PIK3C2A: variants seen among roughly 807,000 people sequenced by gnomAD.
PIK3C2A encodes the protein phosphatidylinositol-4-phosphate 3-kinase catalytic subunit type 2 alpha.
In PIK3C2A, 97 loss-of-function variants were observed where a neutral mutation model predicts 204.5. The ratio of observed to expected loss-of-function variants is 0.47; its 90% confidence interval spans 0.40 to 0.56. The LOEUF (loss-of-function observed/expected upper bound fraction) is 0.56, where lower values mean the gene tolerates loss of function less well. PIK3C2A is among the 20% of genes least tolerant of loss of function. The pLI is 0.00. For synonymous variants in PIK3C2A, 653 were observed against 664.4 expected (o/e 0.98, Z 0.26); for missense variants, 1,735 against 1,969.2 (o/e 0.88, Z 2.25).
At chr11:17,194,147 A>G in intron 1 of PIK3C2A, 1 of 742,602 alleles carries the variant, frequency 1.3e-6, no homozygotes, top group East Asian at 3.9e-5. Context: ...TGCCCACCCC[A>G]AGCTTGGGAA....
At chr11:17,109,592 C>G (rs2137308991) in intron 22 of PIK3C2A, among the ~76,000 whole-genome samples, 1 of 152,288 alleles carries the variant, frequency 6.6e-6, no homozygotes, top group East Asian at 1.9e-4. Flanking sequence ...GAGACAAGGT[C>G]TCACTGTTTT....
At chr11:17,132,161 T>C in intron 11 of PIK3C2A, 123 bp from the exon 12 acceptor site, 1 of 600,948 alleles carries the variant, frequency 1.7e-6, no homozygotes, top group East Asian at 3.1e-5. Context: ...TCACCTTTCA[T>C]TTGAGTTTTT....
At chr11:17,166,509 T>C (rs962854404) in intron 2 of PIK3C2A, among the ~76,000 whole-genome samples, 8 of 152,218 alleles carry the variant, frequency 5.3e-5, no homozygotes, top group African/African-American at 1.9e-4. Flanking sequence ...TTTTCAATAA[T>C]GGGAAGTTCA....
intron 8 of PIK3C2A, 50 bp from the exon 9 acceptor site, chr11:17,136,675 C>T: frequency 3.8e-6 from 4 of 1,053,884 alleles, no homozygotes; most frequent in Non-Finnish European, 5.5e-6. Flanking sequence ...ATTTAAAGGA[C>T]CAATTCCAGA....
intron 8 of PIK3C2A, chr11:17,138,316 G>A: frequency 2.0e-6 from 1 of 493,872 alleles, no homozygotes; most frequent in Non-Finnish European, 3.6e-6. Context: ...ACGAAAAACA[G>A]CCAGCTTCCT....
chr11:17,090,828 C>CT (rs1380660681), intron 32 of PIK3C2A, among the ~76,000 whole-genome samples: 1 of 151,910 alleles, frequency 6.6e-6, no homozygotes, highest in African/African-American at 2.4e-5. Flanking sequence ...TGGCCTTGAC[C>CT]TCCTGGGCTC....
chr11:17,096,013 A>G (rs75761744), intron 27 of PIK3C2A, among the ~76,000 whole-genome samples: 140 of 152,118 alleles, frequency 9.2e-4, no homozygotes, highest in African/African-American at 2.9e-3. Flanking sequence ...GGGGTAGTGA[A>G]GGAAAACTTG....
intron 4 of PIK3C2A, 117 bp downstream of exon 4, chr11:17,150,381 A>G: frequency 4.8e-6 from 4 of 828,892 alleles, no homozygotes; most frequent in Non-Finnish European, 5.4e-6. Context: ...AACTATCCAT[A>G]TGAATGCCAA....
At chr11:17,207,509 A>AGGGGGGCCGGCGGCC (rs200227538) in intron 1 of PIK3C2A, among the ~76,000 whole-genome samples, 2 of 151,804 alleles carry the variant, frequency 1.3e-5, no homozygotes, top group Non-Finnish European at 2.9e-5. Flanking sequence ...AAGGCGGGGG[A>AGGGGGGCCGGCGGCC]GGGGGGCCGG....
At chr11:17,197,429 G>A (rs1198347450) in intron 1 of PIK3C2A, among the ~76,000 whole-genome samples, 2 of 152,080 alleles carry the variant, frequency 1.3e-5, no homozygotes, top group Admixed American at 6.6e-5. Flanking sequence ...AAAAGGCAAT[G>A]GTTGCACCAT....
In PIK3C2A at chr11:17,200,476, A is replaced by C. The variant is rs536976369; in HGVS notation, c.-66+7372T>G. ...ATTGAATCTCAAAAGTGTTATGCTA[A>C]ATGAAAGAAGCCAGTCTCAAAAGGC... On this transcript the variant is annotated intron_variant, in intron 1 of 32. Coordinates refer to ENST00000691414, the MANE Select transcript of PIK3C2A (RefSeq NM_002645.4). 5.3e-5 allele frequency among the ~76,000 whole-genome samples: 8 copies of C among 152,306 alleles called. No homozygotes were observed. The South Asian group carries it at 1.2e-3, about 24-fold the overall frequency.
chr11:17,099,046 C>A (rs1227451254), intron 26 of PIK3C2A, among the ~76,000 whole-genome samples: 1 of 152,186 alleles, frequency 6.6e-6, no homozygotes, highest in African/African-American at 2.4e-5. Context: ...CAGGCATGCG[C>A]CACTATGCCC....
chr11:17,122,160 A>C, intron 15 of PIK3C2A, 28 bp downstream of exon 15: 1 of 1,488,218 alleles, frequency 6.7e-7, no homozygotes, highest in Non-Finnish European at 9.3e-7. Context: ...GGAGATACTT[A>C]GCCCAAAACA....
chr11:17,191,495 G>A (rs1851942592), intron 1 of PIK3C2A, among the ~76,000 whole-genome samples: 1 of 152,208 alleles, frequency 6.6e-6, no homozygotes, highest in Non-Finnish European at 1.5e-5. Flanking sequence ...CTGATACTGA[G>A]AGTAACACCT....
chr11:17,165,019 G>A (rs1438865725), intron 2 of PIK3C2A, among the ~76,000 whole-genome samples: 5 of 152,126 alleles, frequency 3.3e-5, no homozygotes, highest in African/African-American at 1.2e-4. Context: ...AAAGGGTGGA[G>A]AACACATGTG....
At chr11:17,155,728 G>A in intron 2 of PIK3C2A, 99 bp from the exon 3 acceptor site, 1 of 600,148 alleles carries the variant, frequency 1.7e-6, no homozygotes. Context: ...TATGTACAAA[G>A]CAATGGAGGT....
chr11:17,182,918 C>T (rs530703440), intron 1 of PIK3C2A, among the ~76,000 whole-genome samples: 4 of 152,202 alleles, frequency 2.6e-5, no homozygotes, highest in Non-Finnish European at 5.9e-5. Context: ...CAGTTCACTG[C>T]AGCCTCGACC....
chr11:17,193,098 T>C (rs1036873148), intron 1 of PIK3C2A, among the ~76,000 whole-genome samples: 2 of 152,216 alleles, frequency 1.3e-5, no homozygotes, highest in African/African-American at 4.8e-5. Flanking sequence ...TCGCCTGCAC[T>C]CTGTTAGGAC....
In PIK3C2A at chr11:17,110,813, A is replaced by G. The variant is rs183470187; in HGVS notation, c.3415-252T>C. ...TTATTTTTCTGCAGCATTCTAGGGA[A>G]AGGTACTTAACCTCTTCATATCTCA... On this transcript the variant is annotated intron_variant, in intron 21 of 32. Coordinates refer to ENST00000691414, the MANE Select transcript of PIK3C2A (RefSeq NM_002645.4). Among the ~76,000 whole-genome samples, 53 of 152,338 alleles carry G rather than the reference A, an allele frequency of 3.5e-4. No individual in the cohort carries two copies. The East Asian group carries it at 9.6e-3, about 28-fold the overall frequency.
Sources: allele counts gnomAD v4.1 joint callset (sites outside exome capture counted in the v4.1 genomes callset), GRCh38; gene constraint gnomAD v4.1.1; transcripts MANE v1.5; gene names NCBI Gene and HGNC (gene_info 2026-07-23, HGNC 2026-07-21).